SPO11: variants seen among roughly 807,000 people sequenced by gnomAD.
SPO11 encodes the protein SPO11 initiator of meiotic double strand breaks, also known as meiotic recombination protein SPO11.
A neutral mutation model predicts 51.6 loss-of-function variants in SPO11; 49 were observed. The ratio of observed to expected loss-of-function variants is 0.95; its 90% CI spans 0.75 to 1.20. The LOEUF is 1.20. Ranked by LOEUF, SPO11 falls within the 50% of genes most tolerant of loss-of-function variation. The probability of loss-of-function intolerance (pLI) is 0.00; values close to 1 mark genes in which losing one functional copy is unlikely to be tolerated. For synonymous variants in SPO11, 176 were observed against 158.2 expected, an observed-to-expected ratio of 1.11 and a Z score of -0.84; for missense variants, 431 against 473.4, an observed-to-expected ratio of 0.91 and a Z score of 0.83.
intron 9 of SPO11, 68 bp downstream of exon 9, chr20:57,338,443 C>A: frequency 2.5e-6 from 3 of 1,209,132 alleles, no homozygotes; most frequent in Non-Finnish European, 3.5e-6. Flanking sequence ...GTGTTTTCTT[C>A]CTCTTTTTTT....
chr20:57,333,921 C>T, intron 4 of SPO11, 66 bp from the exon 5 acceptor site: 1 of 1,039,832 alleles, frequency 9.6e-7, no homozygotes. Flanking sequence ...TCAATTAACA[C>T]TGTAATACTT....
intron 1 of SPO11, 94 bp downstream of exon 1, chr20:57,330,092 A>C: frequency 7.0e-7 from 1 of 1,437,896 alleles, no homozygotes; most frequent in Non-Finnish European, 9.1e-7. Context: ...GTTGAGGCTG[A>C]GGAGGCACCC....
rs28368081 is a variant in SPO11 at position 57,335,414 on chromosome 20, A to G, written c.598-5A>G. 2 of 1,599,370 alleles carry G rather than the reference A, an allele frequency of 1.3e-6. No homozygotes were observed. Among genetic ancestry groups the G allele is most frequent in the East Asian group, 2.2e-5 (1 of 44,642 alleles). Reference sequence around the variant, plus strand: ...TATGTAAGATAAAAACTTTTTTTTTAAAAGGCTGTTGCTGTGCCATCGAAT... The same window carrying G: ...TATGTAAGATAAAAACTTTTTTTTTGAAAGGCTGTTGCTGTGCCATCGAAT... On this transcript the variant is annotated splice_polypyrimidine_tract_variant and splice_region_variant and intron_variant, in intron 6 of 12. Transcript: ENST00000371263.
In SPO11 at chr20:57,343,822, T is replaced by C. The variant is rs1169503155; in HGVS notation, c.*362T>C. On this transcript the variant is annotated 3_prime_UTR_variant, in exon 13 of 13. Transcript: ENST00000371263. ...ACTAATGTTAACGCATAAAGTATCT[T>C]ACTGGTAACAAAAATCATAATGATC... The C allele has an allele frequency of 6.5e-6, 1 of 154,798 alleles. No individual in the cohort carries two copies. The highest frequency in any genetic ancestry group is 1.4e-5 in the Non-Finnish European group (1 of 70,018). 9.6% of individuals were successfully genotyped at this position (154,798 alleles called of 1,614,324 possible). A position where few individuals can be genotyped will look rare whatever the true frequency, so the allele number is the denominator to read the frequency against.
At chr20:57,334,136 A>C in intron 5 of SPO11, 41 bp downstream of exon 5, 1 of 1,106,664 alleles carries the variant, frequency 9.0e-7, no homozygotes, top group Non-Finnish European at 1.3e-6. Flanking sequence ...TTTAAAACAA[A>C]ATGTTTGTAT....
At chr20:57,339,833 A>C (rs1241193177) in intron 10 of SPO11, among the ~76,000 whole-genome samples, 2 of 152,102 alleles carry the variant, frequency 1.3e-5, no homozygotes, top group Non-Finnish European at 2.9e-5. Context: ...TGGACTTTTG[A>C]GCTCAAGCCA....
intron 2 of SPO11, 110 bp downstream of exon 2, chr20:57,332,056 C>A: frequency 3.7e-5 from 21 of 570,080 alleles, no homozygotes; most frequent in South Asian, 1.1e-4. Context: ...TTTACCTTGC[C>A]AAAAAAAAGG....
At position 57,339,008 on chromosome 20, in the gene SPO11, C is replaced by A; in HGVS notation, c.864C>A (p.Ile288=). The A allele has an allele frequency of 6.7e-7, 1 of 1,488,786 alleles. No individual in the cohort carries two copies. Among genetic ancestry groups the A allele is most frequent in the Non-Finnish European group, 9.2e-7 (1 of 1,092,834 alleles). 92.2% of individuals were successfully genotyped at this position (1,488,786 alleles called of 1,614,324 possible). ...ADPHGIEIMC[I]YKYGSMSMSF... ...TAACAGGCATAGAAATAATGTGCAT[C>A]TATAAGTATGGATCTATGGTAAGTA... Residue 288 remains isoleucine (I), a synonymous_variant, in exon 10 of 13, where the codon ATC becomes ATA. Coordinates refer to ENST00000371263, the MANE Select transcript of SPO11 (RefSeq NM_012444.3).
chr20:57,331,613 G>C (rs1000842706), intron 1 of SPO11, among the ~76,000 whole-genome samples: 2 of 152,152 alleles, frequency 1.3e-5, no homozygotes, highest in African/African-American at 4.8e-5. Context: ...TGTAAATACA[G>C]TTGTTTTAAT....
chr20:57,339,078 C>A (rs754821585), intron 10 of SPO11, 52 bp downstream of exon 10: 13 of 1,238,124 alleles, frequency 1.0e-5, no homozygotes, highest in Non-Finnish European at 1.5e-5. Flanking sequence ...ATTTTATATT[C>A]ATTGAGGTGA....
chr20:57,341,493 G>A (rs2066581527), intron 11 of SPO11, among the ~76,000 whole-genome samples: 1 of 152,074 alleles, frequency 6.6e-6, no homozygotes, highest in Non-Finnish European at 1.5e-5. Context: ...TTTTATTGTT[G>A]TAATTGGTCA....
In SPO11 at chr20:57,342,691, C is replaced by G. The variant is rs2066597271; in HGVS notation, c.960-38C>G. The stretch of plus-strand genomic sequence containing the variant: ...ATACAGGACATTCAAGTTACAGAAA[C>G]ACTTTTTTACTGATTTTTTTCACCT... On this transcript the variant is annotated intron_variant, in intron 11 of 12. Coordinates refer to ENST00000371263, the MANE Select transcript of SPO11 (RefSeq NM_012444.3). 4.5e-6 allele frequency: 6 copies of G among 1,338,742 alleles called. No individual in the cohort carries two copies. In the East Asian group the frequency reaches 1.4e-4, roughly 31 times the overall value. The allele number at this position is 1,338,742 out of a possible 1,614,324, so 82.9% of individuals were successfully genotyped here. A position where few individuals can be genotyped will look rare whatever the true frequency, so the allele number is the denominator to read the frequency against.
rs145045956 is a variant in SPO11 at position 57,329,892 on chromosome 20, G to A, written c.25G>A (p.Glu9Lys). The change falls in exon 1 of 13, where the codon GAG becomes AAG. Residue 9 changes from glutamate to lysine, a missense_variant. Transcript: ENST00000371263. ...CATGGCCTTTGCACCTATGGGGCCCGAGGCCTCGTTCTTCGACGTTTTGGA... is the reference window on the plus strand; with the variant it reads ...CATGGCCTTTGCACCTATGGGGCCCAAGGCCTCGTTCTTCGACGTTTTGGA... MAFAPMGPEASFFDVLDRH... is the reference protein window; with the variant it reads MAFAPMGPKASFFDVLDRH... The A allele has an allele frequency of 9.9e-5, 159 of 1,613,632 alleles. No homozygotes were observed. Among genetic ancestry groups the A allele is most frequent in the Middle Eastern group, 1.6e-4 (1 of 6,082 alleles).
At chr20:57,333,052 G>C (rs2146080943) in intron 2 of SPO11, 136 bp from the exon 3 acceptor site, 2 of 607,348 alleles carry the variant, frequency 3.3e-6, no homozygotes, top group Non-Finnish European at 5.7e-6. Context: ...CAAACCAGTT[G>C]ATCCTAAAGC....
At chr20:57,335,694 G>A (rs1051141618) in intron 7 of SPO11, 104 bp from the exon 8 acceptor site, 23 of 744,106 alleles carry the variant, frequency 3.1e-5, no homozygotes, top group Non-Finnish European at 4.7e-5. Flanking sequence ...AAACTAAAAT[G>A]TTGTATCTAT....
chr20:57,342,758 C>T lies in SPO11; in HGVS notation c.989C>T (p.Pro330Leu). 6.2e-7 allele frequency: 1 copy of T among 1,612,766 alleles called. No homozygotes were observed. The highest frequency in any genetic ancestry group is 8.5e-7 in the Non-Finnish European group (1 of 1,179,252). The change falls in exon 12 of 13, where the codon CCA becomes CTA. Residue 330 changes from proline to leucine, a missense_variant. This residue lies in a region of SPO11 where 405 missense variants were observed against 425.9 expected (regional missense o/e 0.95). Transcript: ENST00000371263. ...RLNVPKDSLI[P>L]LTKRDQMKLD... ...AATGTACCTAAAGATAGTTTGATTC[C>T]ACTGACAAAAAGGGACCAAATGAAA...
rs780495429 is a variant in SPO11 at position 57,343,368 on chromosome 20, A to C, written c.1099A>C (p.Lys367Gln). ...GGAAATAATGGCAGACTCTAAAATG[A>C]AGGCAGAAATTCAAGCTTTGACTTT... is the stretch of plus-strand genomic sequence containing the variant. ...EMEIMADSKM[K>Q]AEIQALTFLS... Residue 367 changes from lysine (K) to glutamine (Q), a missense_variant, in exon 13 of 13, where the codon AAG becomes CAG. Transcript: ENST00000371263. 2 of 1,611,104 alleles carry C rather than the reference A, an allele frequency of 1.2e-6. No individual in the cohort carries two copies. The highest frequency in any genetic ancestry group is 1.7e-6 in the Non-Finnish European group (2 of 1,178,982).
At position 57,334,733 on chromosome 20, in the gene SPO11, T is replaced by C; in HGVS notation, c.511-17T>C. 1 of 1,604,968 alleles carries C rather than the reference T, an allele frequency of 6.2e-7. No homozygotes were observed. Among genetic ancestry groups the C allele is most frequent in the South Asian group, 1.1e-5 (1 of 90,610 alleles). On this transcript the variant is annotated splice_polypyrimidine_tract_variant and intron_variant, in intron 5 of 12. Coordinates refer to ENST00000371263, the MANE Select transcript of SPO11 (RefSeq NM_012444.3). ...ATTCGTGAAGCAGGTTTCAAATATGTCTATTATTTTTTGCAGTTATCTACA... is the reference window on the plus strand; with the variant it reads ...ATTCGTGAAGCAGGTTTCAAATATGCCTATTATTTTTTGCAGTTATCTACA...
intron 10 of SPO11, 59 bp downstream of exon 10, chr20:57,339,085 G>C: frequency 8.4e-7 from 1 of 1,189,724 alleles, no homozygotes. Context: ...ATTCATTGAG[G>C]TGATTTCTGC....
Sources: gnomAD v4.1 joint callset for allele counts (sites outside exome capture counted in the v4.1 genomes callset) on GRCh38, gnomAD v4.1.1 for gene constraint, gnomAD v4.1.1 regional missense constraint, MANE v1.5 for transcripts, NCBI Gene and HGNC (gene_info 2026-07-23, HGNC 2026-07-21) for gene names.